Variants in PDZRN4 observed in about 807,000 individuals in gnomAD.
PDZRN4 encodes the protein PDZ domain containing ring finger 4, also known as PDZ domain-containing RING finger protein 4.
Under a neutral mutation model 99.0 loss-of-function variants are expected in PDZRN4, and 70 were observed. That is an observed-to-expected ratio of 0.71 (90% CI 0.58 to 0.86). The LOEUF (loss-of-function observed/expected upper bound fraction) is 0.86, where lower values mean the gene tolerates loss of function less well. Ranked by LOEUF, PDZRN4 falls within the 40% of genes least tolerant of loss-of-function variation. PDZRN4 has a pLI of 0.00. For missense variants in PDZRN4, 1,474 were observed against 1,331.2 expected (o/e 1.11, Z -1.67); for synonymous variants, 551 against 501.6 (o/e 1.10, Z -1.32).
At chr12:41,415,345 T>C (rs1476479121) in intron 3 of PDZRN4, among the ~76,000 whole-genome samples, 1 of 148,780 alleles carries the variant, frequency 6.7e-6, no homozygotes, top group South Asian at 2.1e-4. Context: ...ATTACAAATA[T>C]ATGTGTAATA....
At chr12:41,198,931 C>T (rs1029791724) in intron 3 of PDZRN4, among the ~76,000 whole-genome samples, 1 of 152,114 alleles carries the variant, frequency 6.6e-6, no homozygotes, top group African/African-American at 2.4e-5. Context: ...TATACCTCTG[C>T]ATTCTCTGTG....
intron 3 of PDZRN4, among the ~76,000 whole-genome samples, chr12:41,397,883 G>A (rs1952261170): frequency 6.6e-6 from 1 of 151,912 alleles, no homozygotes; most frequent in Non-Finnish European, 1.5e-5. Flanking sequence ...TGTGTCTTAT[G>A]GTAAAAGATA....
intron 6 of PDZRN4, among the ~76,000 whole-genome samples, chr12:41,555,241 A>AAGAAGAAAAG (rs1555152869): frequency 8.3e-6 from 1 of 119,964 alleles, no homozygotes; most frequent in African/African-American, 3.2e-5. Flanking sequence ...AAAAAAAAAA[A>AAGAAGAAAAG]AAAAAAAAGA....
At chr12:41,321,244 G>T (rs1951675483) in intron 3 of PDZRN4, among the ~76,000 whole-genome samples, 1 of 152,094 alleles carries the variant, frequency 6.6e-6, no homozygotes, top group Admixed American at 6.6e-5. Context: ...ATTCAATTAG[G>T]TCGGTCATGG....
At chr12:41,331,703 C>G (rs1334762082) in intron 3 of PDZRN4, among the ~76,000 whole-genome samples, 1 of 152,114 alleles carries the variant, frequency 6.6e-6, no homozygotes, top group Non-Finnish European at 1.5e-5. Context: ...AATTGACTCA[C>G]AGTTCCATAT....
chr12:41,211,915 A>T (rs1950891013), intron 3 of PDZRN4, among the ~76,000 whole-genome samples: 1 of 151,992 alleles, frequency 6.6e-6, no homozygotes, highest in Non-Finnish European at 1.5e-5. Context: ...CCTTTATATG[A>T]TACCAGGTTT....
intron 5 of PDZRN4, among the ~76,000 whole-genome samples, chr12:41,532,862 T>C (rs1011953524): frequency 1.3e-5 from 2 of 152,174 alleles, no homozygotes; most frequent in Non-Finnish European, 2.9e-5. Flanking sequence ...ATGTAATGTT[T>C]TTGCTATTAT....
intron 3 of PDZRN4, among the ~76,000 whole-genome samples, chr12:41,285,671 G>A (rs1383036271): frequency 1.3e-5 from 2 of 152,282 alleles, no homozygotes; most frequent in South Asian, 4.1e-4. Flanking sequence ...ATACTATGCA[G>A]CCATAAAAAA....
chr12:41,432,577 A>G (rs2120442505), intron 3 of PDZRN4, among the ~76,000 whole-genome samples: 1 of 152,350 alleles, frequency 6.6e-6, no homozygotes, highest in Non-Finnish European at 1.5e-5. Flanking sequence ...TGGGGGCTCA[A>G]AGATCAATTA....
chr12:41,566,849 C>G (rs573454999), intron 8 of PDZRN4, among the ~76,000 whole-genome samples: 6 of 152,108 alleles, frequency 3.9e-5, no homozygotes, highest in Non-Finnish European at 8.8e-5. Flanking sequence ...TGACGATAAT[C>G]CAGTTAATTT....
chr12:41,345,789 T>C lies in PDZRN4; in HGVS notation c.843+151601T>C, dbSNP rs1325403550. Among the ~76,000 whole-genome samples, 11 of 152,130 alleles carry C rather than the reference T, an allele frequency of 7.2e-5. No homozygotes were observed. The East Asian group carries it at 2.1e-3, about 29-fold the overall frequency. ...TTTCATTGAACTTTTGAAATTCCAGTACAAATATTAAAACTGAAAGATAAA... is the reference window on the plus strand; with the variant it reads ...TTTCATTGAACTTTTGAAATTCCAGCACAAATATTAAAACTGAAAGATAAA... On this transcript the variant is annotated intron_variant, in intron 3 of 9. Coordinates refer to ENST00000402685, the MANE Select transcript of PDZRN4 (RefSeq NM_001164595.2).
chr12:41,218,519 A>C (rs1950935262), intron 3 of PDZRN4, among the ~76,000 whole-genome samples: 1 of 152,130 alleles, frequency 6.6e-6, no homozygotes, highest in Non-Finnish European at 1.5e-5. Flanking sequence ...AATGTCTAGG[A>C]AAATGCTCAT....
chr12:41,532,287 A>G (rs1055904046), intron 5 of PDZRN4, among the ~76,000 whole-genome samples: 5 of 151,928 alleles, frequency 3.3e-5, no homozygotes, highest in Non-Finnish European at 7.4e-5. Context: ...ATTTTGTCAA[A>G]CTCTGTGTCA....
At chr12:41,313,469 A>T (rs1951620126) in intron 3 of PDZRN4, among the ~76,000 whole-genome samples, 1 of 152,206 alleles carries the variant, frequency 6.6e-6, no homozygotes, top group Admixed American at 6.5e-5. Flanking sequence ...TACTATTGGA[A>T]AGACCCACGT....
At chr12:41,533,827 AATTAC>A in intron 5 of PDZRN4, among the ~76,000 whole-genome samples, 1 of 152,124 alleles carries the variant, frequency 6.6e-6, no homozygotes, top group Non-Finnish European at 1.5e-5. Context: ...ATTTGTATTT[AATTAC>A]ATTACATCAT....
At chr12:41,412,100 T>G (rs1430067902) in intron 3 of PDZRN4, 1 of 152,182 alleles carries the variant, frequency 6.6e-6, no homozygotes, top group Non-Finnish European at 1.5e-5. Flanking sequence ...GTCCACTCAT[T>G]GAAACTCTGA....
chr12:41,284,078 T>G (rs940058325), intron 3 of PDZRN4, among the ~76,000 whole-genome samples: 1 of 152,222 alleles, frequency 6.6e-6, no homozygotes, highest in Admixed American at 6.5e-5. Context: ...TATCTCTGTT[T>G]GCAGATGACA....
chr12:41,533,661 A>G (rs542758317), intron 5 of PDZRN4, among the ~76,000 whole-genome samples: 57 of 152,242 alleles, frequency 3.7e-4, no homozygotes, highest in Admixed American at 3.3e-3. Flanking sequence ...TAACTTCCTG[A>G]AGCTTCTAAT....
intron 3 of PDZRN4, among the ~76,000 whole-genome samples, chr12:41,273,465 A>T (rs1054542034): frequency 9.9e-5 from 15 of 152,096 alleles, no homozygotes; most frequent in African/African-American, 3.6e-4. Flanking sequence ...CAGGACAGAG[A>T]ATGAAACAGT....
Sources: allele counts gnomAD v4.1 joint callset (sites outside exome capture counted in the v4.1 genomes callset), GRCh38; gene constraint gnomAD v4.1.1; transcripts MANE v1.5; gene names NCBI Gene and HGNC (gene_info 2026-07-23, HGNC 2026-07-21).